UHMK1: variants seen among roughly 807,000 people sequenced by gnomAD.
UHMK1 encodes U2AF homology motif kinase 1, also known as serine/threonine-protein kinase Kist.
In UHMK1, 18 loss-of-function variants were observed where a neutral mutation model predicts 44.0. That is an observed-to-expected ratio of 0.41 (90% CI 0.28 to 0.61). The LOEUF (loss-of-function observed/expected upper bound fraction) is 0.61, where lower values mean the gene tolerates loss of function less well. Ranked by LOEUF, UHMK1 falls within the 20% of genes least tolerant of loss-of-function variation. UHMK1 has a pLI of 0.31. For missense variants in UHMK1, 463 were observed against 522.5 expected, an observed-to-expected ratio of 0.89 and a Z score of 1.11; for synonymous variants, 231 against 198.5, an observed-to-expected ratio of 1.16 and a Z score of -1.38.
chr1:162,519,846 C>G (rs1651990128), intron 7 of UHMK1, among the ~76,000 whole-genome samples: 1 of 152,176 alleles, frequency 6.6e-6, no homozygotes, highest in South Asian at 2.1e-4. Context: ...TCTCTAGACA[C>G]TGCCAGATGT....
rs1403935929 is a variant in UHMK1, at chr1:162,526,114, C to T, written c.*3564C>T. ...TCAGTTACTTTTCTGGAATAAAAGG[C>T]GGAGTTAGAGCACTTATCAGATGCT... On this transcript the variant is annotated 3_prime_UTR_variant, in exon 8 of 8. Coordinates refer to ENST00000489294, the MANE Select transcript of UHMK1 (RefSeq NM_175866.5). The T allele has an allele frequency of 2.0e-5, 3 of 152,048 alleles. No individual in the cohort carries two copies. The highest frequency in any genetic ancestry group is 4.1e-4 in the South Asian group (2 of 4,828). 9.4% of individuals were successfully genotyped at this position (152,048 alleles called of 1,614,324 possible).
At chr1:162,498,894 A>T (rs1459704659) in intron 1 of UHMK1, among the ~76,000 whole-genome samples, 1 of 152,258 alleles carries the variant, frequency 6.6e-6, no homozygotes, top group Non-Finnish European at 1.5e-5. Flanking sequence ...GCTTATCATT[A>T]GTTATAGCTT....
At position 162,497,876 on chromosome 1, in the gene UHMK1, T is replaced by G. The variant is rs921396917; in HGVS notation, c.-125T>G. ...GGCTGCTTGAAGTCCCGGGAGTCGGTGAGGCGGCTGCAGGTCCCTCCCTGC... is the reference window on the plus strand; with the variant it reads ...GGCTGCTTGAAGTCCCGGGAGTCGGGGAGGCGGCTGCAGGTCCCTCCCTGC... On this transcript the variant is annotated 5_prime_UTR_variant, in exon 1 of 8. Coordinates refer to ENST00000489294, the MANE Select transcript of UHMK1 (RefSeq NM_175866.5). 2 of 1,393,970 alleles carry G rather than the reference T, an allele frequency of 1.4e-6. No homozygotes were observed. The highest frequency in any genetic ancestry group is 1.5e-5 in the African/African-American group (1 of 66,192). 86.4% of individuals were successfully genotyped at this position (1,393,970 alleles called of 1,614,324 possible).
At chr1:162,505,793 A>G (rs1383499667) in intron 4 of UHMK1, among the ~76,000 whole-genome samples, 1 of 152,198 alleles carries the variant, frequency 6.6e-6, no homozygotes, top group Non-Finnish European at 1.5e-5. Flanking sequence ...TTAGAGTAGT[A>G]TAGTTTCCTT....
At chr1:162,497,316 C>T (rs1362873949), upstream of UHMK1, 3 of 702,062 alleles carry the variant, frequency 4.3e-6, no homozygotes, top group Non-Finnish European at 7.8e-6. Flanking sequence ...TAGTCGGACC[C>T]CCACTTCCCG....
intron 4 of UHMK1, among the ~76,000 whole-genome samples, chr1:162,505,392 C>G (rs1566843): frequency 0.46 from 69,304 of 151,802 alleles, 15,855 homozygotes; most frequent in East Asian, 0.48. Flanking sequence ...TGGGGGAGGG[C>G]GATGTACTTT....
chr1:162,503,611 C>CAAAA (rs33964112), intron 3 of UHMK1, 143 bp from the exon 4 acceptor site: 12 of 358,266 alleles, frequency 3.3e-5, no homozygotes, highest in African/African-American at 5.4e-5. Context: ...ACCCTGTCTC[C>CAAAA]AAAAAAAAAA....
At chr1:162,521,417 T>TA (rs930516151) in intron 7 of UHMK1, among the ~76,000 whole-genome samples, 56 of 149,024 alleles carry the variant, frequency 3.8e-4, no homozygotes, top group African/African-American at 5.2e-4. Context: ...AAGAATCAGG[T>TA]AAAAAAAAAA....
rs1164046393 is a variant in UHMK1, at chr1:162,525,312, G to A, written c.*2762G>A. The A allele has an allele frequency of 6.6e-6, 1 of 152,090 alleles. No homozygotes were observed. Among genetic ancestry groups the A allele is most frequent in the Non-Finnish European group, 1.5e-5 (1 of 67,998 alleles). The allele number at this position is 152,090 out of a possible 1,614,324, so 9.4% of individuals were successfully genotyped here. On this transcript the variant is annotated 3_prime_UTR_variant, in exon 8 of 8. Coordinates refer to ENST00000489294, the MANE Select transcript of UHMK1 (RefSeq NM_175866.5). Reference sequence around the variant, plus strand: ...TAGAAATTTTCTTTTTGAGAGAAAGGGTAAAGAGGTGAGGGTTCATGTCAC... The same window carrying A: ...TAGAAATTTTCTTTTTGAGAGAAAGAGTAAAGAGGTGAGGGTTCATGTCAC...
At chr1:162,519,315 TAAA>T in intron 7 of UHMK1, among the ~76,000 whole-genome samples, 1 of 145,864 alleles carries the variant, frequency 6.9e-6, no homozygotes, top group South Asian at 2.2e-4. Flanking sequence ...GACTCCATCT[TAAA>T]AAAAAAAAAA....
rs762493813 is a variant in UHMK1 at position 162,498,278 on chromosome 1, G to T, written c.268+10G>T. 81 of 1,572,030 alleles carry T rather than the reference G, an allele frequency of 5.2e-5. No homozygotes were observed. Among genetic ancestry groups the T allele is most frequent in the Non-Finnish European group, 6.9e-5 (80 of 1,154,790 alleles). On this transcript the variant is annotated intron_variant, in intron 1 of 7. Transcript: ENST00000489294. ...GGTCACAGAAACATCGGTAATTGCC[G>T]CTGTCTCCTTTCTCTTCTTGCCCAG...
Position 162,522,557 on chromosome 1 carries a change from A to T in UHMK1, c.*7A>T, listed in dbSNP as rs1379900497. ...GTATCAAACCTTGCTTTAATCAGTA[A>T]CCTAAGGACTGTTTCCTTTTTCTCC... is the stretch of plus-strand genomic sequence containing the variant. On this transcript the variant is annotated 3_prime_UTR_variant, in exon 8 of 8. Coordinates refer to ENST00000489294, the MANE Select transcript of UHMK1 (RefSeq NM_175866.5). The T allele has an allele frequency of 1.2e-6, 2 of 1,609,094 alleles. No homozygotes were observed. The highest frequency in any genetic ancestry group is 2.7e-5 in the African/African-American group (2 of 74,678).
intron 4 of UHMK1, among the ~76,000 whole-genome samples, chr1:162,512,218 CTT>C (rs928739307): frequency 1.3e-5 from 2 of 150,366 alleles, no homozygotes; most frequent in Non-Finnish European, 3.0e-5. Context: ...AAATCTGTGT[CTT>C]TTTTGTCACT....
intron 3 of UHMK1, 89 bp from the exon 4 acceptor site, chr1:162,503,665 T>C: frequency 2.5e-6 from 2 of 806,904 alleles, no homozygotes; most frequent in Admixed American, 2.8e-5. Context: ...TGTTTTCTGT[T>C]GCATTTTACT....
At chr1:162,517,350 G>A (rs754000821) in intron 6 of UHMK1, among the ~76,000 whole-genome samples, 6 of 152,064 alleles carry the variant, frequency 3.9e-5, no homozygotes, top group Non-Finnish European at 7.4e-5. Context: ...ATATGCATAG[G>A]GGGGTTATCT....
Position 162,498,005 on chromosome 1 carries a change from C to A in UHMK1, c.5C>A (p.Ala2Glu). The change falls in exon 1 of 8, where the codon GCG becomes GAG. Residue 2 changes from alanine (A) to glutamate (E), a missense_variant. Physicochemically the swap from Ala to Glu is moderately radical, Grantham distance 107 (BLOSUM62 -1). Coordinates refer to ENST00000489294, the MANE Select transcript of UHMK1 (RefSeq NM_175866.5). M[A>E]GSGCAWGAEP... Reference sequence around the variant, plus strand: ...CCGTGCCCTTAACCCACACCGATGGCGGGATCCGGCTGCGCCTGGGGCGCG... The same window carrying A: ...CCGTGCCCTTAACCCACACCGATGGAGGGATCCGGCTGCGCCTGGGGCGCG... 1 of 1,580,140 alleles carries A rather than the reference C, an allele frequency of 6.3e-7. No individual in the cohort carries two copies. The highest frequency in any genetic ancestry group is 8.6e-7 in the Non-Finnish European group (1 of 1,161,434).
chr1:162,502,137 G>A (rs1651293364), intron 3 of UHMK1, among the ~76,000 whole-genome samples: 2 of 152,110 alleles, frequency 1.3e-5, no homozygotes, highest in South Asian at 4.2e-4. Context: ...CAACATTAAA[G>A]CCCCACAATA....
rs985982811 is a variant in UHMK1, at chr1:162,524,968, C to T, written c.*2418C>T. On this transcript the variant is annotated 3_prime_UTR_variant, in exon 8 of 8. Transcript: ENST00000489294. ...GGAGTGCAGTGGCTCAATCTCGGCTCACTGCAACCTCTGCCTCGCAGGTTT... is the reference window on the plus strand; with the variant it reads ...GGAGTGCAGTGGCTCAATCTCGGCTTACTGCAACCTCTGCCTCGCAGGTTT... 4 of 152,192 alleles carry T rather than the reference C, an allele frequency of 2.6e-5. No individual in the cohort carries two copies. Among genetic ancestry groups the T allele is most frequent in the African/African-American group, 9.7e-5 (4 of 41,432 alleles). 9.4% of individuals were successfully genotyped at this position (152,192 alleles called of 1,614,324 possible).
chr1:162,512,487 T>A lies in UHMK1; in HGVS notation c.849-13T>A. 1.9e-6 allele frequency: 3 copies of A among 1,593,768 alleles called. No individual in the cohort carries two copies. The highest frequency in any genetic ancestry group is 2.6e-6 in the Non-Finnish European group (3 of 1,173,608). The stretch of plus-strand genomic sequence containing the variant: ...TCAGCAGAAATGATAAGGCACCTAT[T>A]TTTGTGTTTTAGCATGCTTCATGAT... On this transcript the variant is annotated splice_polypyrimidine_tract_variant and intron_variant, in intron 4 of 7. Transcript: ENST00000489294.
Sources: allele counts gnomAD v4.1 joint callset (sites outside exome capture counted in the v4.1 genomes callset), GRCh38; gene constraint gnomAD v4.1.1; transcripts MANE v1.5; gene names NCBI Gene and HGNC (gene_info 2026-07-23, HGNC 2026-07-21).